RBFOX1: variants seen among roughly 807,000 people sequenced by gnomAD.
RBFOX1 encodes the protein RNA binding fox-1 homolog 1.
Under a neutral mutation model 57.7 loss-of-function variants are expected in RBFOX1, and 8 were observed. That is an observed-to-expected ratio of 0.14 (90% CI 0.08 to 0.25). The LOEUF (loss-of-function observed/expected upper bound fraction) is 0.25, where lower values mean the gene tolerates loss of function less well. Ranked by LOEUF, RBFOX1 falls within the 10% of genes least tolerant of loss-of-function variation. RBFOX1 has a pLI of 1.00. For synonymous variants in RBFOX1, 326 were observed against 222.4 expected, an observed-to-expected ratio of 1.47 and a Z score of -4.15; for missense variants, 611 against 548.5, an observed-to-expected ratio of 1.11 and a Z score of -1.14.
In RBFOX1 at chr16:5,886,717, G is replaced by C. The variant is rs111284336; in HGVS notation, c.351+19382G>C. ...AGCCTGGCCAATATGGGGAAACCCT[G>C]TCTCTACTTAAAATACAAAAATTAG... On this transcript the variant is annotated intron_variant, in intron 4 of 19. Coordinates refer to the RBFOX1 transcript ENST00000641259. 2.9e-3 allele frequency among the ~76,000 whole-genome samples: 447 copies of C among 152,264 alleles called. 4 individuals carry two copies. The highest frequency in any genetic ancestry group is 0.01 in the African/African-American group (430 of 41,560).
intron 1 of RBFOX1, among the ~76,000 whole-genome samples, chr16:5,388,241 C>T (rs371206520): frequency 6.6e-6 from 1 of 152,154 alleles, no homozygotes; most frequent in South Asian, 2.1e-4. Context: ...CTCTGCCTCA[C>T]CGTGCTTCTA....
At chr16:5,991,933 A>C (rs1052717465) in intron 4 of RBFOX1, among the ~76,000 whole-genome samples, 1 of 152,182 alleles carries the variant, frequency 6.6e-6, no homozygotes, top group Non-Finnish European at 1.5e-5. Flanking sequence ...GTTTTAAAAA[A>C]ATTTGAACAC....
chr16:5,930,650 G>C (rs1304339406), intron 4 of RBFOX1, among the ~76,000 whole-genome samples: 2 of 124,052 alleles, frequency 1.6e-5, no homozygotes, highest in African/African-American at 3.1e-5. Flanking sequence ...GGTTGGGTAG[G>C]TGGGAGGGTG....
chr16:7,260,411 A>G (rs1331780192), intron 4 of RBFOX1, among the ~76,000 whole-genome samples: 1 of 152,194 alleles, frequency 6.6e-6, no homozygotes, highest in Non-Finnish European at 1.5e-5. Flanking sequence ...AAAACAATTA[A>G]CCAAAGATCA....
At chr16:7,273,350 T>C (rs1362825296) in intron 4 of RBFOX1, among the ~76,000 whole-genome samples, 3 of 151,974 alleles carry the variant, frequency 2.0e-5, no homozygotes, top group Non-Finnish European at 1.5e-5. Context: ...GGATGCTTGT[T>C]TCCTGCATGC....
At chr16:6,535,983 T>G (rs1026919317) in intron 2 of RBFOX1, among the ~76,000 whole-genome samples, 3 of 152,202 alleles carry the variant, frequency 2.0e-5, no homozygotes, top group Admixed American at 6.5e-5. Flanking sequence ...TCCAACGACT[T>G]CATATATATC....
chr16:7,423,775 T>A lies in RBFOX1; in HGVS notation c.28-94372T>A, dbSNP rs1378483984. ...CTGTTCTGTGTCTCTCCTCACCTGC[T>A]TTGAAGGATTTCTTTCCCTCTCTGC... On this transcript the variant is annotated intron_variant, in intron 4 of 15. Coordinates refer to ENST00000550418, the MANE Select transcript of RBFOX1 (RefSeq NM_018723.4). 2.6e-5 allele frequency among the ~76,000 whole-genome samples: 4 copies of A among 152,186 alleles called. No individual in the cohort carries two copies. The East Asian group carries it at 7.7e-4, about 29-fold the overall frequency.
intron 4 of RBFOX1, among the ~76,000 whole-genome samples, chr16:7,134,767 C>T (rs749649901): frequency 3.3e-4 from 50 of 152,138 alleles, no homozygotes; most frequent in Non-Finnish European, 5.7e-4. Context: ...TGTGCTGTAC[C>T]GAATTTGCAA....
intron 2 of RBFOX1, among the ~76,000 whole-genome samples, chr16:6,650,943 C>T (rs1252303442): frequency 6.6e-6 from 1 of 152,168 alleles, no homozygotes; most frequent in Admixed American, 6.5e-5. Context: ...CACTTCGTTG[C>T]CCAGGCTGAA....
At chr16:5,330,852 A>C (rs1157607882) in intron 1 of RBFOX1, among the ~76,000 whole-genome samples, 2 of 151,856 alleles carry the variant, frequency 1.3e-5, no homozygotes, top group Non-Finnish European at 2.9e-5. Context: ...GGCTGCTAAA[A>C]ATTTCTCCAT....
upstream of RBFOX1, among the ~76,000 whole-genome samples, chr16:6,018,377 A>C (rs1446656814): frequency 2.6e-5 from 4 of 152,224 alleles, no homozygotes; most frequent in Admixed American, 2.0e-4. Flanking sequence ...CTCCATGTAA[A>C]GTGCTTAAAA....
At chr16:6,129,595 A>G (rs1249188583) in intron 1 of RBFOX1, among the ~76,000 whole-genome samples, 2 of 152,042 alleles carry the variant, frequency 1.3e-5, no homozygotes, top group Non-Finnish European at 1.5e-5. Flanking sequence ...AGAGAATAGG[A>G]TAGAAAAAAC....
intron 3 of RBFOX1, among the ~76,000 whole-genome samples, chr16:6,890,643 C>T (rs1467774632): frequency 1.3e-5 from 2 of 152,174 alleles, no homozygotes; most frequent in Non-Finnish European, 2.9e-5. Flanking sequence ...AACAGTCTTT[C>T]CTTCCTATCT....
At chr16:7,151,453 C>G (rs907949917) in intron 4 of RBFOX1, among the ~76,000 whole-genome samples, 2 of 152,218 alleles carry the variant, frequency 1.3e-5, no homozygotes, top group East Asian at 1.9e-4. Flanking sequence ...GTTCGTCATC[C>G]TTCAACTCCC....
At chr16:6,069,767 A>C (rs2152481616) in intron 1 of RBFOX1, among the ~76,000 whole-genome samples, 1 of 152,238 alleles carries the variant, frequency 6.6e-6, no homozygotes, top group South Asian at 2.1e-4. Flanking sequence ...TGGGCAGATC[A>C]CTTGAGTTCA....
At chr16:6,727,200 G>T (rs2067432260) in intron 3 of RBFOX1, among the ~76,000 whole-genome samples, 1 of 151,972 alleles carries the variant, frequency 6.6e-6, no homozygotes, top group Non-Finnish European at 1.5e-5. Context: ...TCACTATCCT[G>T]CAATTCTGAC....
chr16:7,626,773 A>G (rs116972588), intron 10 of RBFOX1, among the ~76,000 whole-genome samples: 22 of 152,074 alleles, frequency 1.4e-4, no homozygotes, highest in East Asian at 3.9e-4. Flanking sequence ...AGATTGGTTG[A>G]AAAAAAACAC....
intron 1 of RBFOX1, among the ~76,000 whole-genome samples, chr16:6,241,658 A>G (rs1277193864): frequency 2.0e-5 from 3 of 152,224 alleles, no homozygotes; most frequent in Admixed American, 2.0e-4. Flanking sequence ...TGGCCATTAC[A>G]TTAAGTAATT....
intron 1 of RBFOX1, among the ~76,000 whole-genome samples, chr16:5,339,004 C>T (rs1387832517): frequency 6.6e-6 from 1 of 152,014 alleles, no homozygotes; most frequent in Non-Finnish European, 1.5e-5. Flanking sequence ...TAAATTACCT[C>T]ACTTTTTTTT....
Sources: gnomAD v4.1 joint callset for allele counts (sites outside exome capture counted in the v4.1 genomes callset) on GRCh38, gnomAD v4.1.1 for gene constraint, MANE v1.5 for transcripts, NCBI Gene and HGNC (gene_info 2026-07-23, HGNC 2026-07-21) for gene names.